Variants in RALGAPA1 observed in about 807,000 individuals in gnomAD.
RALGAPA1 encodes ral GTPase-activating protein subunit alpha-1.
In RALGAPA1, 52 loss-of-function variants were observed where a neutral mutation model predicts 269.6. The observed-to-expected ratio is 0.19, with a 90% CI of 0.15 to 0.24. The LOEUF (loss-of-function observed/expected upper bound fraction) is 0.24. RALGAPA1 is among the 10% of genes least tolerant of loss of function. The probability of loss-of-function intolerance (pLI) is 1.00; values close to 1 mark genes in which losing one functional copy is unlikely to be tolerated. For synonymous variants in RALGAPA1, 817 were observed against 1,008.3 expected (o/e 0.81, Z 3.60); for missense variants, 1,917 against 3,013.9 (o/e 0.64, Z 8.52).
chr14:35,543,935 C>G (rs1031706162), intron 41 of RALGAPA1, among the ~76,000 whole-genome samples: 31 of 152,318 alleles, frequency 2.0e-4, no homozygotes, highest in Middle Eastern at 3.4e-3. Flanking sequence ...AGCCACCATG[C>G]CTGGCCAGGA....
intron 26 of RALGAPA1, among the ~76,000 whole-genome samples, chr14:35,667,486 G>A (rs1265584433): frequency 6.6e-6 from 1 of 152,146 alleles, no homozygotes; most frequent in African/African-American, 2.4e-5. Context: ...CCAAAACGTA[G>A]TCTAAAGCAG....
chr14:35,671,322 T>C, intron 26 of RALGAPA1, 67 bp downstream of exon 26: 9 of 1,388,374 alleles, frequency 6.5e-6, no homozygotes, highest in Non-Finnish European at 8.7e-6. Flanking sequence ...TTGTTATGTT[T>C]TATCAACTTT....
At chr14:35,721,008 G>C (rs2069367623) in intron 16 of RALGAPA1, among the ~76,000 whole-genome samples, 1 of 152,148 alleles carries the variant, frequency 6.6e-6, no homozygotes, top group Non-Finnish European at 1.5e-5. Flanking sequence ...TTAGGAAAAA[G>C]CCCTCCTTAT....
chr14:35,724,513 T>C (rs769413056), intron 14 of RALGAPA1, among the ~76,000 whole-genome samples: 7 of 152,144 alleles, frequency 4.6e-5, no homozygotes, highest in Non-Finnish European at 1.0e-4. Flanking sequence ...AGAATTCCTG[T>C]GTAATCAAAC....
At chr14:35,696,133 T>C (rs750773815) in intron 17 of RALGAPA1, among the ~76,000 whole-genome samples, 1 of 152,244 alleles carries the variant, frequency 6.6e-6, no homozygotes, top group Non-Finnish European at 1.5e-5. Context: ...GGCTCACGCC[T>C]GTAATCCCAG....
intron 33 of RALGAPA1, among the ~76,000 whole-genome samples, chr14:35,628,160 T>C (rs2061106750): frequency 6.6e-6 from 1 of 152,218 alleles, no homozygotes. Context: ...AAATTTTTGC[T>C]AATGGGTCCA....
chr14:35,678,077 G>C lies in RALGAPA1; in HGVS notation c.4497C>G (p.His1499Gln). 6.2e-7 allele frequency: 1 copy of C among 1,606,734 alleles called. No individual in the cohort carries two copies. The highest frequency in any genetic ancestry group is 8.5e-7 in the Non-Finnish European group (1 of 1,178,422). The change falls in exon 22 of 42, where the codon CAC becomes CAG. Residue 1499 changes from histidine to glutamine, a missense_variant. Physicochemically the swap from His to Gln is conservative, Grantham distance 24. Around this residue, in one of 11 missense-constraint regions of RALGAPA1, gnomAD observed 615 missense variants for 790.0 expected, o/e 0.78. Coordinates refer to ENST00000680220, the MANE Select transcript of RALGAPA1 (RefSeq NM_001346249.2). ...ITGSESASPV[H>Q]SPLGSRSQTP... is the part of the protein sequence containing the mutation. The stretch of plus-strand genomic sequence containing the variant: ...TCTGTGACCTGGAGCCCAGAGGTGA[G>C]TGGACTGGGGAAGCACTTTCTGAAC...
chr14:35,805,817 T>C (rs1302980042), intron 1 of RALGAPA1, among the ~76,000 whole-genome samples: 3 of 151,820 alleles, frequency 2.0e-5, no homozygotes, highest in Non-Finnish European at 4.4e-5. Flanking sequence ...CCTGAGTAGC[T>C]GGGACTACAG....
At chr14:35,582,953 G>C (rs1182058985) in intron 37 of RALGAPA1, among the ~76,000 whole-genome samples, 1 of 152,080 alleles carries the variant, frequency 6.6e-6, no homozygotes, top group Non-Finnish European at 1.5e-5. Flanking sequence ...CTAATGATGG[G>C]ACAATGGAGT....
intron 8 of RALGAPA1, 109 bp downstream of exon 8, chr14:35,751,915 A>T: frequency 7.0e-7 from 1 of 1,424,418 alleles, no homozygotes; most frequent in Non-Finnish European, 9.3e-7. Flanking sequence ...ACCAACCAAT[A>T]CAAGTATTAA....
chr14:35,638,267 AGACATG>A lies in RALGAPA1; in HGVS notation c.5677-2675_5677-2670del, dbSNP rs577664891. Among the ~76,000 whole-genome samples, 11 of 152,334 alleles carry A rather than the reference AGACATG, an allele frequency of 7.2e-5. No homozygotes were observed. The South Asian group carries it at 2.3e-3, about 32-fold the overall frequency. On this transcript the variant is annotated intron_variant, in intron 31 of 41. Transcript: ENST00000680220. The stretch of plus-strand genomic sequence containing the variant: ...AAAAAATAATAACAACAACTTTTCA[AGACATG>A]GACAGTACAATAAGATATAAATAGA...
chr14:35,715,460 GTTAT>G (rs1189754608), intron 16 of RALGAPA1, among the ~76,000 whole-genome samples: 5 of 151,762 alleles, frequency 3.3e-5, no homozygotes, highest in Admixed American at 1.3e-4. Flanking sequence ...TTATAGTCTG[GTTAT>G]TTATTTATTT....
At chr14:35,540,226 C>T (rs187345021) in intron 41 of RALGAPA1, among the ~76,000 whole-genome samples, 56 of 152,070 alleles carry the variant, frequency 3.7e-4, no homozygotes, top group African/African-American at 1.4e-3. Flanking sequence ...CATATACATG[C>T]TAGGTATTTA....
Position 35,689,801 on chromosome 14 carries a change from A to G in RALGAPA1, c.2610T>C (p.His870=), listed in dbSNP as rs1396266128. Residue 870 remains histidine, a synonymous_variant, in exon 18 of 42, where the codon CAT becomes CAC. Transcript: ENST00000680220. ...AVPVIDSSSR[H]APSLQSSTEA... ...CTGTGGAACTCTGCAAGCTTGGTGC[A>G]TGACGGGATGAACTGTCAATGACAG... 35 of 1,562,804 alleles carry G rather than the reference A, an allele frequency of 2.2e-5. No individual in the cohort carries two copies. Among genetic ancestry groups the G allele is most frequent in the Admixed American group, 6.4e-5 (3 of 47,084 alleles).
Position 35,683,951 on chromosome 14 carries a change from G to T in RALGAPA1, c.4329C>A (p.Ser1443=). 1 of 1,612,734 alleles carries T rather than the reference G, an allele frequency of 6.2e-7. No individual in the cohort carries two copies. ...FGFGTDTGVT[S]SADVDSGSGH... The stretch of plus-strand genomic sequence containing the variant: ...CAGAACCTGAATCCACATCAGCAGA[G>T]GACGTAACCCCAGTGTCGGTTCCAA... Residue 1443 remains serine (S), a synonymous_variant, in exon 21 of 42, where the codon TCC becomes TCA. Coordinates refer to ENST00000680220, the MANE Select transcript of RALGAPA1 (RefSeq NM_001346249.2).
intron 22 of RALGAPA1, among the ~76,000 whole-genome samples, chr14:35,675,705 T>TA (rs1156544215): frequency 3.3e-5 from 5 of 151,242 alleles, no homozygotes; most frequent in East Asian, 1.9e-4. Flanking sequence ...CCTCCAGCTT[T>TA]AAAAAAAAAT....
chr14:35,761,018 T>G lies in RALGAPA1; in HGVS notation c.370-12A>C, dbSNP rs72668490. 1 of 1,568,336 alleles carries G rather than the reference T, an allele frequency of 6.4e-7. No individual in the cohort carries two copies. The highest frequency in any genetic ancestry group is 8.7e-7 in the Non-Finnish European group (1 of 1,155,708). On this transcript the variant is annotated splice_polypyrimidine_tract_variant and intron_variant, in intron 5 of 41. Coordinates refer to ENST00000680220, the MANE Select transcript of RALGAPA1 (RefSeq NM_001346249.2). ...CCTTCCCGCCTAATCTAAAATAAAA[T>G]GAAAATAGACAGTATTTTTATTTAT...
chr14:35,640,111 A>G (rs537170380), intron 31 of RALGAPA1, among the ~76,000 whole-genome samples: 2 of 152,132 alleles, frequency 1.3e-5, no homozygotes, highest in Non-Finnish European at 2.9e-5. Flanking sequence ...GTTTATAGCT[A>G]TAAGCACCTA....
At chr14:35,620,113 G>A (rs7152806) in intron 35 of RALGAPA1, among the ~76,000 whole-genome samples, 151,744 of 152,312 alleles carry the variant, frequency 1, 75,588 homozygotes, top group East Asian at 1. Flanking sequence ...AATCCTCAAT[G>A]AAATACTGGC....
Sources: allele counts gnomAD v4.1 joint callset (sites outside exome capture counted in the v4.1 genomes callset), GRCh38; gene constraint gnomAD v4.1.1; regional missense constraint gnomAD v4.1.1; transcripts MANE v1.5; gene names NCBI Gene and HGNC (gene_info 2026-07-23, HGNC 2026-07-21).